TIMM23B: variants seen among roughly 807,000 people sequenced by gnomAD.
TIMM23B encodes mitochondrial import inner membrane translocase subunit Tim23B.
Under a neutral mutation model 27.3 loss-of-function variants are expected in TIMM23B, and 27 were observed. The observed-to-expected ratio is 0.99, with a 90% CI of 0.73 to 1.36. TIMM23B has a LOEUF of 1.36. Ranked by LOEUF, TIMM23B falls within the 40% of genes most tolerant of loss-of-function variation. The probability of loss-of-function intolerance (pLI) is 0.00; values close to 1 mark genes in which losing one functional copy is unlikely to be tolerated. For synonymous variants in TIMM23B, 73 were observed against 92.4 expected (o/e 0.79, Z 1.21); for missense variants, 205 against 244.2 (o/e 0.84, Z 1.07).
At chr10:49,953,175 G>C (rs1398652996) in intron 4 of TIMM23B, among the ~76,000 whole-genome samples, 18 of 152,186 alleles carry the variant, frequency 1.2e-4, no homozygotes, top group African/African-American at 4.1e-4. Flanking sequence ...AATATGTTTA[G>C]TTTTGCCCAT....
rs1839565850 is a variant in TIMM23B at position 49,952,498 on chromosome 10, C to A, written c.309C>A (p.Thr103=). The A allele has an allele frequency of 1.2e-6, 2 of 1,612,742 alleles. No homozygotes were observed. Among genetic ancestry groups the A allele is most frequent in the African/African-American group, 1.3e-5 (1 of 74,690 alleles). ...GTCTTCGGCTAGGATTGAAGGAAACCCAGAACATGGCCTGGTCCAAACCAG... is the reference window on the plus strand; with the variant it reads ...GTCTTCGGCTAGGATTGAAGGAAACACAGAACATGGCCTGGTCCAAACCAG... The part of the protein sequence containing the change: ...MNGLRLGLKE[T]QNMAWSKPGN... The change falls in exon 4 of 7, where the codon ACC becomes ACA. Residue 103 remains threonine (T), a synonymous_variant. Coordinates refer to ENST00000651259, the MANE Select transcript of TIMM23B (RefSeq NM_001290117.2).
intron 6 of TIMM23B, among the ~76,000 whole-genome samples, chr10:49,969,843 C>T (rs1391647937): frequency 3.3e-5 from 5 of 151,938 alleles, no homozygotes; most frequent in Admixed American, 1.3e-4. Context: ...GATGCCGAGC[C>T]GAAGCTGGAC....
At chr10:49,946,105 G>C (rs1477352452) in intron 2 of TIMM23B, among the ~76,000 whole-genome samples, 1 of 151,584 alleles carries the variant, frequency 6.6e-6, no homozygotes, top group Admixed American at 6.6e-5. Context: ...CACGAGAATC[G>C]CTTGAACCCT....
chr10:49,945,350 A>G (rs1462286957), intron 2 of TIMM23B, among the ~76,000 whole-genome samples: 2 of 152,198 alleles, frequency 1.3e-5, no homozygotes, highest in African/African-American at 2.4e-5. Context: ...TGGGATGCCT[A>G]GTTACAAAGT....
chr10:49,952,606 A>C (rs1839570594), intron 4 of TIMM23B, 73 bp downstream of exon 4: 3 of 1,536,320 alleles, frequency 2.0e-6, no homozygotes, highest in Non-Finnish European at 2.7e-6. Context: ...TGATGAGTAC[A>C]ACCTTGAGAT....
intron 6 of TIMM23B, among the ~76,000 whole-genome samples, chr10:49,966,812 G>A (rs1840182574): frequency 1.3e-5 from 2 of 152,160 alleles, no homozygotes; most frequent in African/African-American, 4.8e-5. Flanking sequence ...GCAGCTGAGC[G>A]AAACTCTGTC....
At chr10:49,948,852 G>A (rs4589245) in intron 2 of TIMM23B, among the ~76,000 whole-genome samples, 1 of 152,034 alleles carries the variant, frequency 6.6e-6, no homozygotes, top group African/African-American at 2.4e-5. Context: ...AAATTGTATG[G>A]TACATGAGAT....
intron 6 of TIMM23B, among the ~76,000 whole-genome samples, chr10:49,966,386 T>C (rs1840160918): frequency 6.9e-6 from 1 of 144,304 alleles, no homozygotes; most frequent in South Asian, 2.2e-4. Flanking sequence ...AATGAAGAAA[T>C]GAAATAATGA....
intron 2 of TIMM23B, among the ~76,000 whole-genome samples, chr10:49,950,777 G>A (rs1839504504): frequency 6.6e-6 from 1 of 152,022 alleles, no homozygotes; most frequent in African/African-American, 2.4e-5. Context: ...CCTGAGCTCT[G>A]GCAGTCCACC....
At chr10:49,949,475 G>A (rs1839454995) in intron 2 of TIMM23B, among the ~76,000 whole-genome samples, 1 of 151,902 alleles carries the variant, frequency 6.6e-6, no homozygotes, top group Non-Finnish European at 1.5e-5. Context: ...CATGTATTTT[G>A]CTTTAATGTT....
At chr10:49,944,587 T>G (rs1216139502) in intron 1 of TIMM23B, among the ~76,000 whole-genome samples, 1 of 152,020 alleles carries the variant, frequency 6.6e-6, no homozygotes, top group African/African-American at 2.4e-5. Flanking sequence ...AGGAACTGCC[T>G]TGAAATAGTT....
rs1313261863 is a variant in TIMM23B, at chr10:49,950,533, T to TAAG, written c.166-1592_166-1590dup. Among the ~76,000 whole-genome samples, 3 of 149,604 alleles carry TAAG rather than the reference T, an allele frequency of 2.0e-5. No individual in the cohort carries two copies. The East Asian group carries it at 5.8e-4, about 29-fold the overall frequency. ...TCATCACAGCCTTTTTTTTTTTTTT[T>TAAG]AAGTTTTCTTTTCTTTTTTTTTTTT... is the stretch of plus-strand genomic sequence containing the variant. On this transcript the variant is annotated intron_variant, in intron 2 of 6. Coordinates refer to ENST00000651259, the MANE Select transcript of TIMM23B (RefSeq NM_001290117.2).
At chr10:49,955,139 C>G in intron 5 of TIMM23B, 79 bp downstream of exon 5, 1 of 1,441,664 alleles carries the variant, frequency 6.9e-7, no homozygotes, top group South Asian at 1.2e-5. Context: ...TTTGATCAAC[C>G]CATATTCTGG....
intron 4 of TIMM23B, among the ~76,000 whole-genome samples, chr10:49,953,533 A>T (rs1382238967): frequency 6.6e-5 from 10 of 152,070 alleles, no homozygotes; most frequent in African/African-American, 2.2e-4. Flanking sequence ...TTTTGTAGAG[A>T]CGGGGTCTCA....
intron 6 of TIMM23B, among the ~76,000 whole-genome samples, chr10:49,962,994 C>T (rs1839973882): frequency 6.7e-6 from 1 of 150,332 alleles, no homozygotes; most frequent in South Asian, 2.1e-4. Context: ...TGAGTTCAAG[C>T]GATTCTCCTG....
intron 4 of TIMM23B, chr10:49,954,164 A>C (rs1839633705): frequency 6.0e-6 from 1 of 165,714 alleles, no homozygotes; most frequent in East Asian, 1.7e-4. Flanking sequence ...GTCGTTTAAT[A>C]ATTAAACTGA....
At chr10:49,959,906 A>T (rs1446329764) in intron 6 of TIMM23B, among the ~76,000 whole-genome samples, 2 of 151,758 alleles carry the variant, frequency 1.3e-5, no homozygotes, top group African/African-American at 4.8e-5. Flanking sequence ...ACACCACCAC[A>T]TCTGGCTAAT....
intron 2 of TIMM23B, among the ~76,000 whole-genome samples, chr10:49,949,155 C>T (rs1839442362): frequency 1.3e-5 from 2 of 150,446 alleles, no homozygotes; most frequent in African/African-American, 2.4e-5. Context: ...GCCTTGGCCT[C>T]CCAAAGTGCT....
chr10:49,944,045 G>A (rs1157678618), intron 1 of TIMM23B, among the ~76,000 whole-genome samples: 1 of 152,164 alleles, frequency 6.6e-6, no homozygotes, highest in Non-Finnish European at 1.5e-5. Context: ...GCATGTTTAA[G>A]GAACAGCTCT....
Sources: allele counts gnomAD v4.1 joint callset (sites outside exome capture counted in the v4.1 genomes callset), GRCh38; gene constraint gnomAD v4.1.1; transcripts MANE v1.5; gene names NCBI Gene and HGNC (gene_info 2026-07-23, HGNC 2026-07-21).